Variants in SOX5 observed in about 807,000 individuals in gnomAD.
The protein encoded by SOX5 is SRY-box transcription factor 5, also known as transcription factor SOX-5.
Under a neutral mutation model 92.0 loss-of-function variants are expected in SOX5, and 9 were observed. The observed-to-expected ratio is 0.10, with a 90% CI of 0.06 to 0.17. The LOEUF is 0.17. Ranked by LOEUF, SOX5 falls within the 10% of genes least tolerant of loss-of-function variation. The pLI, the probability that SOX5 is intolerant of heterozygous loss-of-function variation, is 1.00. For missense variants in SOX5, 642 were observed against 944.5 expected, an observed-to-expected ratio of 0.68 and a Z score of 4.20; for synonymous variants, 344 against 336.3, an observed-to-expected ratio of 1.02 and a Z score of -0.25.
In SOX5 at chr12:24,125,382, A is replaced by T. The variant is rs531053172; in HGVS notation, c.-2+87961T>A. Among the ~76,000 whole-genome samples the T allele has an allele frequency of 1.5e-4, 23 of 152,050 alleles. No individual in the cohort carries two copies. In the South Asian group the frequency reaches 4.6e-3, roughly 30 times the overall value. On this transcript the variant is annotated intron_variant, in intron 4 of 4. Transcript: ENST00000446891. ...CTCCTTTTCTATTATTTTCCTTTTC[A>T]TTAGAAATAGCATGAGGTACAAAAC... is the stretch of plus-strand genomic sequence containing the variant.
At chr12:24,040,689 G>A (rs1232682111) in intron 4 of SOX5, among the ~76,000 whole-genome samples, 1 of 152,138 alleles carries the variant, frequency 6.6e-6, no homozygotes, top group Non-Finnish European at 1.5e-5. Context: ...TGGCTAACAC[G>A]GTGAAACCCC....
intron 8 of SOX5, among the ~76,000 whole-genome samples, chr12:23,640,085 C>T (rs1040790405): frequency 1.1e-4 from 16 of 151,990 alleles, no homozygotes; most frequent in African/African-American, 2.9e-4. Context: ...AGGTCCATAC[C>T]GATAGAAACT....
At chr12:23,831,565 T>C (rs560449966) in intron 3 of SOX5, among the ~76,000 whole-genome samples, 1 of 152,250 alleles carries the variant, frequency 6.6e-6, no homozygotes, top group East Asian at 1.9e-4. Flanking sequence ...CCACCATACA[T>C]ACCTTTTGAA....
intron 6 of SOX5, among the ~76,000 whole-genome samples, chr12:23,692,446 A>C (rs947995499): frequency 1.3e-5 from 2 of 151,628 alleles, no homozygotes; most frequent in Admixed American, 6.6e-5. Context: ...CAGGAAAAAA[A>C]AAAAAAAAGA....
chr12:23,955,064 G>T (rs151133491), upstream of SOX5, among the ~76,000 whole-genome samples: 165 of 152,168 alleles, frequency 1.1e-3, no homozygotes, highest in East Asian at 0.029. Flanking sequence ...GAATGAGGAA[G>T]TCCCAAAACT....
At chr12:24,134,374 A>C (rs1220682007) in intron 4 of SOX5, among the ~76,000 whole-genome samples, 1 of 152,192 alleles carries the variant, frequency 6.6e-6, no homozygotes, top group Non-Finnish European at 1.5e-5. Context: ...AGGAATTTTC[A>C]CTTAATTTTA....
intron 3 of SOX5, among the ~76,000 whole-genome samples, chr12:23,822,823 T>C (rs899000456): frequency 6.6e-6 from 1 of 152,250 alleles, no homozygotes; most frequent in Non-Finnish European, 1.5e-5. Context: ...TGGGTGCACA[T>C]ACATTTAGAA....
At chr12:23,710,414 C>T (rs542853775) in intron 6 of SOX5, among the ~76,000 whole-genome samples, 40 of 152,190 alleles carry the variant, frequency 2.6e-4, no homozygotes, top group African/African-American at 4.3e-4. Context: ...CAACAGGCCC[C>T]GGTGTGTGAT....
chr12:24,123,764 A>G (rs1373712139), intron 4 of SOX5, among the ~76,000 whole-genome samples: 1 of 152,220 alleles, frequency 6.6e-6, no homozygotes, highest in Non-Finnish European at 1.5e-5. Flanking sequence ...CAAAACAGAG[A>G]AACAGTTACA....
intron 4 of SOX5, among the ~76,000 whole-genome samples, chr12:24,122,599 T>C (rs1047127644): frequency 2.0e-5 from 3 of 152,222 alleles, no homozygotes; most frequent in African/African-American, 7.2e-5. Context: ...GTTTAATCTA[T>C]ATCCTGTAAA....
chr12:23,865,105 C>T (rs1045652216), intron 2 of SOX5, among the ~76,000 whole-genome samples: 12 of 152,068 alleles, frequency 7.9e-5, no homozygotes, highest in Admixed American at 7.2e-4. Flanking sequence ...TAAATCGGCT[C>T]TGTCTTTGTC....
At chr12:23,964,943 C>T (rs1237568637) in intron 4 of SOX5, among the ~76,000 whole-genome samples, 1 of 152,160 alleles carries the variant, frequency 6.6e-6, no homozygotes, top group Non-Finnish European at 1.5e-5. Context: ...CTTGAAGAAC[C>T]AGCCAGTAGG....
chr12:24,096,825 C>T, intron 4 of SOX5, among the ~76,000 whole-genome samples: 1 of 151,974 alleles, frequency 6.6e-6, no homozygotes, highest in East Asian at 1.9e-4. Context: ...ATGATTAGTG[C>T]TGTTATAAAT....
In SOX5 at chr12:23,536,503, C is replaced by T; in HGVS notation, c.1938G>A (p.Lys646=). 1.2e-6 allele frequency: 2 copies of T among 1,614,168 alleles called. No homozygotes were observed. Among genetic ancestry groups the T allele is most frequent in the Non-Finnish European group, 1.7e-6 (2 of 1,180,022 alleles). Residue 646 remains lysine, a synonymous_variant, in exon 14 of 15, where the codon AAG becomes AAA. Transcript: ENST00000451604. ...CCTGCCGCCTGTTGCGCATGATTGCCTTGTATTCACCAATGCGCAGCTTTT... is the reference window on the plus strand; with the variant it reads ...CCTGCCGCCTGTTGCGCATGATTGCTTTGTATTCACCAATGCGCAGCTTTT... ...DGKKLRIGEY[K]AIMRNRRQEM...
rs144168313 is a variant in SOX5, at chr12:23,735,213, T to C, written c.742-461A>G. ...GGTATTTTTTTTGTTTTTAGGTAAG[T>C]AATTTTCTCATTACTGCCTCTCACA... On this transcript the variant is annotated intron_variant, in intron 5 of 14. Transcript: ENST00000451604. Among the ~76,000 whole-genome samples the C allele has an allele frequency of 5.0e-3, 769 of 152,286 alleles. 6 individuals are homozygous for C. The highest frequency in any genetic ancestry group is 0.018 in the South Asian group (89 of 4,824).
chr12:23,919,607 G>A (rs2097459336), intron 1 of SOX5, among the ~76,000 whole-genome samples: 2 of 152,112 alleles, frequency 1.3e-5, no homozygotes, highest in South Asian at 4.1e-4. Flanking sequence ...CACCATGCCA[G>A]TGAGTACTAT....
At chr12:23,881,269 G>A (rs142283181) in intron 2 of SOX5, among the ~76,000 whole-genome samples, 5 of 152,274 alleles carry the variant, frequency 3.3e-5, no homozygotes, top group Non-Finnish European at 7.4e-5. Flanking sequence ...TTATACAATT[G>A]CCATGACAAA....
intron 1 of SOX5, among the ~76,000 whole-genome samples, chr12:24,437,659 T>C (rs2137133754): frequency 6.6e-6 from 1 of 152,288 alleles, no homozygotes; most frequent in Middle Eastern, 3.4e-3. Context: ...AGAAGACATT[T>C]ATGCAGCCAT....
chr12:23,838,849 G>GGGC (rs2096472460), intron 3 of SOX5, among the ~76,000 whole-genome samples: 4 of 105,686 alleles, frequency 3.8e-5, no homozygotes, highest in African/African-American at 1.0e-4. Flanking sequence ...TTTTTGGGGG[G>GGGC]GGGGGGCGGG....
Sources: gnomAD v4.1 joint callset for allele counts (sites outside exome capture counted in the v4.1 genomes callset) on GRCh38, gnomAD v4.1.1 for gene constraint, MANE v1.5 for transcripts, NCBI Gene and HGNC (gene_info 2026-07-23, HGNC 2026-07-21) for gene names.